RTRAF: variants seen among roughly 807,000 people sequenced by gnomAD.
RTRAF encodes the protein tRNA-splicing ligase complex subunit RTRAF.
A neutral mutation model predicts 34.4 loss-of-function variants in RTRAF; 14 were observed. That is an observed-to-expected ratio of 0.41 (90% CI 0.27 to 0.64). RTRAF has a LOEUF of 0.64. Ranked by LOEUF, RTRAF falls within the 30% of genes least tolerant of loss-of-function variation. The pLI is 0.34. For synonymous variants in RTRAF, 96 were observed against 95.3 expected, an observed-to-expected ratio of 1.01 and a Z score of -0.04; for missense variants, 291 against 288.4, an observed-to-expected ratio of 1.01 and a Z score of -0.06.
At chr14:52,000,759 G>C (rs1295404534) in intron 5 of RTRAF, among the ~76,000 whole-genome samples, 1 of 152,134 alleles carries the variant, frequency 6.6e-6, no homozygotes, top group African/African-American at 2.4e-5. Flanking sequence ...TCAAAGGCTT[G>C]TTCTTTATTC....
intron 3 of RTRAF, among the ~76,000 whole-genome samples, chr14:51,997,566 T>A (rs1363280139): frequency 6.6e-6 from 1 of 151,896 alleles, no homozygotes; most frequent in Non-Finnish European, 1.5e-5. Context: ...TTTTGAACAT[T>A]AAGTTTAGTG....
rs1890389989 is a variant in RTRAF at position 51,989,573 on chromosome 14, C to T, written c.-67C>T. 9 of 1,518,754 alleles carry T rather than the reference C, an allele frequency of 5.9e-6. No homozygotes were observed. The highest frequency in any genetic ancestry group is 2.5e-5 in the East Asian group (1 of 39,270). 94.1% of individuals were successfully genotyped at this position (1,518,754 alleles called of 1,614,324 possible). A position where few individuals can be genotyped will look rare whatever the true frequency, so the allele number is the denominator to read the frequency against. ...CTCGCCGCGTCGCCGGTGCCTGCGC[C>T]TCCCGCTCCACCTCGCTTCTTCTCT... On this transcript the variant is annotated 5_prime_UTR_variant, in exon 1 of 8. Transcript: ENST00000261700.
chr14:52,004,425 T>A lies in RTRAF; in HGVS notation c.644T>A (p.Leu215Gln). ...RLLHIEELRELQTKINEAIVA... is the reference protein window; with the variant it reads ...RLLHIEELREQQTKINEAIVA... ...CTGCACATAGAGGAGCTCAGAGAGC[T>A]ACAGACAAAAATCAACGAAGCCATA... Residue 215 changes from leucine to glutamine, a missense_variant, in exon 8 of 8, where the codon CTA becomes CAA. Physicochemically the swap from Leu to Gln is moderately radical, Grantham distance 113 (BLOSUM62 -2). Transcript: ENST00000261700. 6.2e-7 allele frequency: 1 copy of A among 1,613,998 alleles called. No homozygotes were observed. Among genetic ancestry groups the A allele is most frequent in the Non-Finnish European group, 8.5e-7 (1 of 1,179,914 alleles).
chr14:52,004,677 TAAAGTTTAGG>T lies in RTRAF; in HGVS notation c.*167_*176del. On this transcript the variant is annotated 3_prime_UTR_variant, in exon 8 of 8. Transcript: ENST00000261700. ...CATTGCTTATTGCTTTTTTCTTTAA[TAAAGTTTAGG>T]AAAGTAGAATTTTTATTATGTACTG... 1.6e-6 allele frequency: 1 copy of T among 634,302 alleles called. No homozygotes were observed. Among genetic ancestry groups the T allele is most frequent in the Non-Finnish European group, 2.6e-6 (1 of 388,654 alleles). 39.3% of individuals were successfully genotyped at this position (634,302 alleles called of 1,614,324 possible). A position where few individuals can be genotyped will look rare whatever the true frequency, so the allele number is the denominator to read the frequency against.
At chr14:51,991,774 A>G (rs1317825223) in intron 2 of RTRAF, among the ~76,000 whole-genome samples, 1 of 152,186 alleles carries the variant, frequency 6.6e-6, no homozygotes, top group Non-Finnish European at 1.5e-5. Context: ...CTTATATTAA[A>G]AGAAGACATT....
At chr14:52,004,128 T>A in intron 6 of RTRAF, 66 bp from the exon 7 acceptor site, 1 of 1,384,000 alleles carries the variant, frequency 7.2e-7, no homozygotes, top group South Asian at 1.2e-5. Context: ...GCTTTTCAGT[T>A]TCAGTTGAGG....
Position 52,009,848 on chromosome 14 carries a change from A to C in RTRAF, c.*5332A>C, listed in dbSNP as rs559685046. 1 of 152,432 alleles carries C rather than the reference A, an allele frequency of 6.6e-6. No homozygotes were observed. The highest frequency in any genetic ancestry group is 1.5e-5 in the Non-Finnish European group (1 of 68,144). The allele number at this position is 152,432 out of a possible 1,614,324, so 9.4% of individuals were successfully genotyped here. On this transcript the variant is annotated 3_prime_UTR_variant, in exon 8 of 8. Coordinates refer to ENST00000261700, the MANE Select transcript of RTRAF (RefSeq NM_016039.3). ...CTAAAAATACAAAAATTAGCTGGGC[A>C]TGGTGGCACATGCCTGTAGTCCCAG... is the stretch of plus-strand genomic sequence containing the variant.
chr14:51,995,288 G>A (rs906329714), intron 3 of RTRAF, among the ~76,000 whole-genome samples: 1 of 151,848 alleles, frequency 6.6e-6, no homozygotes, highest in African/African-American at 2.4e-5. Flanking sequence ...GGAGGCTCTC[G>A]GGGGAATCTG....
rs1201023007 is a variant in RTRAF at position 52,005,347 on chromosome 14, C to T, written c.*831C>T. The T allele has an allele frequency of 1.5e-6, 1 of 686,548 alleles. No individual in the cohort carries two copies. The allele number at this position is 686,548 out of a possible 1,614,324, so 42.5% of individuals were successfully genotyped here. Reference sequence around the variant, plus strand: ...TCAGCTTTTCACAAAAGTCTTTTTGCACTACAAAATGTTCATCTTGGATGC... The same window carrying T: ...TCAGCTTTTCACAAAAGTCTTTTTGTACTACAAAATGTTCATCTTGGATGC... On this transcript the variant is annotated 3_prime_UTR_variant, in exon 8 of 8. Transcript: ENST00000261700.
At chr14:51,989,775 C>T (rs765736290) in intron 1 of RTRAF, 75 bp downstream of exon 1, 16 of 1,441,580 alleles carry the variant, frequency 1.1e-5, no homozygotes, top group Middle Eastern at 1.8e-4. Flanking sequence ...CCGCACCCCA[C>T]CTCCCCGTCG....
chr14:51,993,318 T>C (rs1890465022), intron 2 of RTRAF, among the ~76,000 whole-genome samples: 2 of 152,180 alleles, frequency 1.3e-5, no homozygotes, highest in African/African-American at 2.4e-5. Context: ...TCAGTGGCAT[T>C]TCCATAATAT....
In RTRAF at chr14:52,005,542, T is replaced by TTGTGGGTGGTGGGTGAGTATAC; in HGVS notation, c.*1029_*1030insGGGTGGTGGGTGAGTATACTGT. 1 of 1,584,798 alleles carries TTGTGGGTGGTGGGTGAGTATAC rather than the reference T, an allele frequency of 6.3e-7. No individual in the cohort carries two copies. Among genetic ancestry groups the TTGTGGGTGGTGGGTGAGTATAC allele is most frequent in the Non-Finnish European group, 8.6e-7 (1 of 1,166,586 alleles). ...TGGGACAGGGTGGTGGGTGAGTATA[T>TTGTGGGTGGTGGGTGAGTATAC]TGTAACCAAGTTGCAACAGCAAGTC... On this transcript the variant is annotated 3_prime_UTR_variant, in exon 8 of 8. Coordinates refer to ENST00000261700, the MANE Select transcript of RTRAF (RefSeq NM_016039.3).
At chr14:51,993,089 C>G (rs1376094499) in intron 2 of RTRAF, among the ~76,000 whole-genome samples, 2 of 150,508 alleles carry the variant, frequency 1.3e-5, no homozygotes, top group Non-Finnish European at 3.0e-5. Context: ...ACACGTATTT[C>G]TGATGTGAAA....
Position 52,001,823 on chromosome 14 carries a change from G to C in RTRAF, c.488G>C (p.Arg163Pro), listed in dbSNP as rs752608305. ...GCAATTCGGATTTTGGTTCAGGAGC[G>C]CCTGACACAGGATGCAGTTGCTAAG... ...LKAIRILVQE[R>P]LTQDAVAKAN... Residue 163 changes from arginine to proline, a missense_variant, in exon 6 of 8, where the codon CGC becomes CCC. Physicochemically the swap from Arg to Pro is moderately radical, Grantham distance 103 (BLOSUM62 -2). Transcript: ENST00000261700. The C allele has an allele frequency of 6.2e-7, 1 of 1,610,702 alleles. No homozygotes were observed. The highest frequency in any genetic ancestry group is 2.2e-5 in the East Asian group (1 of 44,832).
chr14:52,002,111 G>GCA (rs1164791850), intron 6 of RTRAF, among the ~76,000 whole-genome samples: 2 of 152,134 alleles, frequency 1.3e-5, no homozygotes, highest in Non-Finnish European at 2.9e-5. Flanking sequence ...AATAGCTCAT[G>GCA]CACAGTCCAC....
At chr14:52,000,011 A>G in intron 5 of RTRAF, 1 of 447,008 alleles carries the variant, frequency 2.2e-6, no homozygotes. Flanking sequence ...TTCTCATTCA[A>G]TCCTGCCAAC....
In RTRAF at chr14:52,005,677, C is replaced by T. The variant is rs946958601; in HGVS notation, c.*1161C>T. ...ACAGGCAGCAGGGGTAATCAAATAC[C>T]ATATATATCCCTTCTCTACCCTGCT... On this transcript the variant is annotated 3_prime_UTR_variant, in exon 8 of 8. Transcript: ENST00000261700. 1.1e-5 allele frequency: 16 copies of T among 1,439,540 alleles called. No individual in the cohort carries two copies. Among genetic ancestry groups the T allele is most frequent in the Non-Finnish European group, 1.5e-5 (15 of 1,021,954 alleles). The allele number at this position is 1,439,540 out of a possible 1,614,324, so 89.2% of individuals were successfully genotyped here.
Position 51,998,574 on chromosome 14 carries a change from T to G in RTRAF, c.367T>G (p.Leu123Val). The change falls in exon 4 of 8, where the codon TTG (leucine) becomes GTG (valine). Residue 123 changes from leucine (L) to valine (V), a missense_variant. Physicochemically the swap from Leu to Val is conservative, Grantham distance 32. Coordinates refer to ENST00000261700, the MANE Select transcript of RTRAF (RefSeq NM_016039.3). ...ATKNAEPLIN[L>V]DVNNPDFKAG... Reference sequence around the variant, plus strand: ...TAAAAATGCAGAACCATTGATCAATTTGGATGGTGAGTATATAAATGCATA... The same window carrying G: ...TAAAAATGCAGAACCATTGATCAATGTGGATGGTGAGTATATAAATGCATA... The G allele has an allele frequency of 6.3e-7, 1 of 1,584,384 alleles. No homozygotes were observed. Among genetic ancestry groups the G allele is most frequent in the Non-Finnish European group, 8.6e-7 (1 of 1,162,990 alleles).
Position 51,998,541 on chromosome 14 carries a change from A to G in RTRAF, c.334A>G (p.Asn112Asp), listed in dbSNP as rs1890556188. 6.3e-7 allele frequency: 1 copy of G among 1,592,820 alleles called. No homozygotes were observed. The change falls in exon 4 of 8, where the codon AAT becomes GAT. Residue 112 changes from asparagine (N) to aspartate (D), a missense_variant. Coordinates refer to ENST00000261700, the MANE Select transcript of RTRAF (RefSeq NM_016039.3). Reference sequence around the variant, plus strand: ...ACCTGATAATTCAAAAACTGCTGACAATGCAACTAAAAATGCAGAACCATT... The same window carrying G: ...ACCTGATAATTCAAAAACTGCTGACGATGCAACTAAAAATGCAGAACCATT... ...LVPDNSKTAD[N>D]ATKNAEPLIN...
Sources: allele counts gnomAD v4.1 joint callset (sites outside exome capture counted in the v4.1 genomes callset), GRCh38; gene constraint gnomAD v4.1.1; transcripts MANE v1.5; gene names NCBI Gene and HGNC (gene_info 2026-07-23, HGNC 2026-07-21).